GRM8: variants seen among roughly 807,000 people sequenced by gnomAD.
The protein encoded by GRM8 is metabotropic glutamate receptor 8.
In GRM8, 47 loss-of-function variants were observed where a neutral mutation model predicts 87.2. That is an observed-to-expected ratio of 0.54 (90% confidence interval 0.43 to 0.69). GRM8 has a LOEUF of 0.69. GRM8 is among the 30% of genes least tolerant of loss of function. GRM8 has a pLI of 0.00. For missense variants in GRM8, 1,019 were observed against 1,139.2 expected (o/e 0.89, Z 1.52); for synonymous variants, 396 against 404.5 (o/e 0.98, Z 0.25).
chr7:126,812,743 G>A lies in GRM8; in HGVS notation c.1157-42678C>T, dbSNP rs193088871. The stretch of plus-strand genomic sequence containing the variant: ...GTACCATCAGCTCAGGTGGCAGAAC[G>A]TATTATGCTTACTAGAGCTTACAAT... On this transcript the variant is annotated intron_variant, in intron 6 of 10. Coordinates refer to ENST00000339582, the MANE Select transcript of GRM8 (RefSeq NM_000845.3). Among the ~76,000 whole-genome samples, 60 of 152,070 alleles carry A rather than the reference G, an allele frequency of 3.9e-4. No individual in the cohort carries two copies. The South Asian group carries it at 7.5e-3, about 19-fold the overall frequency.
chr7:126,806,607 T>C (rs76321714), intron 6 of GRM8, among the ~76,000 whole-genome samples: 3 of 152,218 alleles, frequency 2.0e-5, no homozygotes, highest in Non-Finnish European at 4.4e-5. Flanking sequence ...AGAGTGCTGA[T>C]TGGTACGTTT....
chr7:126,875,920 G>GA (rs1379896264), intron 6 of GRM8, among the ~76,000 whole-genome samples: 1 of 152,028 alleles, frequency 6.6e-6, no homozygotes, highest in Non-Finnish European at 1.5e-5. Flanking sequence ...TTATCTCATG[G>GA]AAAACCTGTT....
At chr7:126,808,032 A>T (rs1792945227) in intron 6 of GRM8, among the ~76,000 whole-genome samples, 1 of 152,212 alleles carries the variant, frequency 6.6e-6, no homozygotes, top group Admixed American at 6.5e-5. Context: ...CCTAGTCCTG[A>T]AACAGCTACA....
intron 2 of GRM8, among the ~76,000 whole-genome samples, chr7:127,174,600 C>T (rs181600434): frequency 5.3e-5 from 8 of 152,188 alleles, no homozygotes; most frequent in Admixed American, 2.0e-4. Flanking sequence ...TTTAACTTCT[C>T]AATTATTTTT....
At chr7:126,451,359 T>C (rs1381815384) in intron 9 of GRM8, among the ~76,000 whole-genome samples, 2 of 151,790 alleles carry the variant, frequency 1.3e-5, no homozygotes, top group Non-Finnish European at 2.9e-5. Context: ...CCACCCTATC[T>C]ATGACCATAT....
chr7:126,916,830 A>G (rs1271485728), intron 3 of GRM8, among the ~76,000 whole-genome samples: 1 of 152,212 alleles, frequency 6.6e-6, no homozygotes, highest in Non-Finnish European at 1.5e-5. Context: ...AACTTCAGAG[A>G]ACAAACATCA....
Position 127,243,258 on chromosome 7 carries a change from A to G in GRM8, c.-54T>C. On this transcript the variant is annotated 5_prime_UTR_variant, in exon 2 of 11. Coordinates refer to ENST00000339582, the MANE Select transcript of GRM8 (RefSeq NM_000845.3). ...GACCCAAAGTTTATTCTTGCCACAG[A>G]AGAAAGGGCACCACCTGAGGCTGCA... 6.6e-7 allele frequency: 1 copy of G among 1,511,014 alleles called. No homozygotes were observed. The highest frequency in any genetic ancestry group is 8.9e-7 in the Non-Finnish European group (1 of 1,118,300). 93.6% of individuals were successfully genotyped at this position (1,511,014 alleles called of 1,614,324 possible). A position where few individuals can be genotyped will look rare whatever the true frequency, so the allele number is the denominator to read the frequency against.
At chr7:126,789,898 T>C (rs1328301885) in intron 6 of GRM8, among the ~76,000 whole-genome samples, 1 of 152,232 alleles carries the variant, frequency 6.6e-6, no homozygotes, top group Non-Finnish European at 1.5e-5. Flanking sequence ...CTCTTAATTT[T>C]TTCAGAGTTG....
chr7:127,086,976 GGGGAGAAA>G (rs1461533077), intron 3 of GRM8, among the ~76,000 whole-genome samples: 1 of 152,158 alleles, frequency 6.6e-6, no homozygotes, highest in African/African-American at 2.4e-5. Context: ...GCCAAAAGCT[GGGGAGAAA>G]ACTAAAGTTT....
At chr7:126,755,280 AG>A (rs1355936710) in intron 7 of GRM8, among the ~76,000 whole-genome samples, 5 of 152,066 alleles carry the variant, frequency 3.3e-5, no homozygotes, top group Non-Finnish European at 7.4e-5. Context: ...ACCCCAAGAT[AG>A]TTTCTGTGTA....
chr7:126,603,799 CA>C (rs1303747664), intron 8 of GRM8, among the ~76,000 whole-genome samples: 5 of 151,958 alleles, frequency 3.3e-5, no homozygotes, highest in Non-Finnish European at 7.4e-5. Context: ...CACATGTAAG[CA>C]ACTTTGCAAA....
intron 6 of GRM8, among the ~76,000 whole-genome samples, chr7:126,824,512 G>A (rs781535044): frequency 1.3e-5 from 2 of 152,188 alleles, no homozygotes; most frequent in Non-Finnish European, 2.9e-5. Flanking sequence ...CTTGTGAGTG[G>A]AGAAGAGGGT....
chr7:126,996,314 T>A (rs1409423373), intron 3 of GRM8, among the ~76,000 whole-genome samples: 1 of 152,036 alleles, frequency 6.6e-6, no homozygotes, highest in Non-Finnish European at 1.5e-5. Context: ...ACTATAACAC[T>A]GTAATTGTGG....
At chr7:126,917,629 G>A (rs2131338003) in intron 3 of GRM8, among the ~76,000 whole-genome samples, 1 of 152,204 alleles carries the variant, frequency 6.6e-6, no homozygotes, top group Non-Finnish European at 1.5e-5. Context: ...CAGCTATTGA[G>A]GAGTCAAATG....
intron 7 of GRM8, among the ~76,000 whole-genome samples, chr7:126,654,436 T>C (rs1435389615): frequency 6.6e-6 from 1 of 152,190 alleles, no homozygotes; most frequent in Non-Finnish European, 1.5e-5. Flanking sequence ...TATGGCAGGC[T>C]TATGGTCTAC....
At chr7:126,918,603 T>A (rs1804178263) in intron 3 of GRM8, among the ~76,000 whole-genome samples, 2 of 152,246 alleles carry the variant, frequency 1.3e-5, no homozygotes, top group Non-Finnish European at 1.5e-5. Flanking sequence ...TACAAGGCTT[T>A]ACTTTAATGA....
At chr7:127,135,841 C>A (rs1005252076) in intron 2 of GRM8, among the ~76,000 whole-genome samples, 30 of 152,018 alleles carry the variant, frequency 2.0e-4, no homozygotes, top group Non-Finnish European at 4.1e-4. Context: ...TAGATCTTAA[C>A]TATTATTATT....
intron 6 of GRM8, among the ~76,000 whole-genome samples, chr7:126,852,291 C>G (rs1797284259): frequency 6.6e-6 from 1 of 152,164 alleles, no homozygotes; most frequent in Non-Finnish European, 1.5e-5. Context: ...GTGCTTTGAG[C>G]TAGACAGCAG....
intron 3 of GRM8, among the ~76,000 whole-genome samples, chr7:126,905,796 CAGA>C: frequency 6.6e-6 from 1 of 152,252 alleles, no homozygotes; most frequent in Non-Finnish European, 1.5e-5. Flanking sequence ...AATCAGAACA[CAGA>C]AGAAGGAGTA....
Sources: allele counts gnomAD v4.1 joint callset (sites outside exome capture counted in the v4.1 genomes callset), GRCh38; gene constraint gnomAD v4.1.1; transcripts MANE v1.5; gene names NCBI Gene and HGNC (gene_info 2026-07-23, HGNC 2026-07-21).